Variants in ARRB1 observed in about 807,000 individuals in gnomAD.
ARRB1 encodes beta-arrestin-1.
In ARRB1, 21 loss-of-function variants were observed where a neutral mutation model predicts 56.8. The ratio of observed to expected loss-of-function variants is 0.37; its 90% CI spans 0.26 to 0.53. ARRB1 has a LOEUF of 0.53. Ranked by LOEUF, ARRB1 falls within the 20% of genes least tolerant of loss-of-function variation. The pLI is 0.88. For missense variants in ARRB1, 424 were observed against 553.7 expected, an observed-to-expected ratio of 0.77 and a Z score of 2.35; for synonymous variants, 210 against 218.6, an observed-to-expected ratio of 0.96 and a Z score of 0.35.
intron 1 of ARRB1, among the ~76,000 whole-genome samples, chr11:75,299,520 C>G (rs982885005): frequency 2.0e-5 from 3 of 151,888 alleles, no homozygotes; most frequent in African/African-American, 7.3e-5. Context: ...GTAAGAGTCT[C>G]TGGTTCTGTG....
chr11:75,277,567 A>G, intron 8 of ARRB1, 119 bp from the exon 9 acceptor site: 1 of 860,944 alleles, frequency 1.2e-6, no homozygotes, highest in Non-Finnish European at 1.9e-6. Flanking sequence ...GCAGACCTTC[A>G]GAAGGGTCTG....
chr11:75,344,726 C>T (rs555074305), intron 1 of ARRB1, among the ~76,000 whole-genome samples: 96 of 152,274 alleles, frequency 6.3e-4, no homozygotes, highest in South Asian at 1.2e-3. Flanking sequence ...TATTCTAATC[C>T]CAGGGCTCAT....
In ARRB1 at chr11:75,263,628, T is replaced by C. The variant is rs917068318; in HGVS notation, c.*2535A>G. Among the ~76,000 whole-genome samples, 2 of 152,170 alleles carry C rather than the reference T, an allele frequency of 1.3e-5. No individual in the cohort carries two copies. The highest frequency in any genetic ancestry group is 1.3e-4 in the Admixed American group (2 of 15,288). On this transcript the variant is annotated 3_prime_UTR_variant, in exon 16 of 16. Transcript: ENST00000420843. ...GCTTCCTGAGGACAGGGGCTGGGAC[T>C]GACCCATCTCTGTGGCTCCAGTACT...
chr11:75,306,765 G>C (rs544071077), intron 1 of ARRB1: 2 of 969,488 alleles, frequency 2.1e-6, no homozygotes, highest in South Asian at 3.3e-5. Context: ...CCTGATACGC[G>C]TCCTGTTTCC....
rs779100804 is a variant in ARRB1, at chr11:75,274,082, A to G, written c.906T>C (p.Ser302=). The G allele has an allele frequency of 8.7e-6, 14 of 1,614,082 alleles. No homozygotes were observed. The highest frequency in any genetic ancestry group is 3.3e-5 in the Admixed American group (2 of 60,008). The part of the protein sequence containing the change: ...KLKHEDTNLA[S]STLLREGANR... The stretch of plus-strand genomic sequence containing the variant: ...GGAGGGCAGGTCCTCACAGGGTGCT[A>G]GAGGCCAAGTTCGTGTCTTCGTGCT... Residue 302 remains serine (S), a synonymous_variant, in exon 11 of 16, where the codon TCT becomes TCC. Coordinates refer to ENST00000420843, the MANE Select transcript of ARRB1 (RefSeq NM_004041.5).
chr11:75,325,918 A>T (rs1388493321), intron 1 of ARRB1, among the ~76,000 whole-genome samples: 1 of 152,128 alleles, frequency 6.6e-6, no homozygotes, highest in African/African-American at 2.4e-5. Context: ...CCCAGGCCCA[A>T]CTCGGGCCGG....
intron 1 of ARRB1, among the ~76,000 whole-genome samples, chr11:75,334,686 A>C (rs903688007): frequency 6.6e-5 from 10 of 152,246 alleles, no homozygotes; most frequent in African/African-American, 2.4e-4. Context: ...AAGCCTTTCC[A>C]GTCTCTAATT....
intron 1 of ARRB1, among the ~76,000 whole-genome samples, chr11:75,330,556 C>A (rs553418507): frequency 6.6e-6 from 1 of 152,070 alleles, no homozygotes; most frequent in Non-Finnish European, 1.5e-5. Context: ...TAAACTCTGC[C>A]GAAGAAATAT....
chr11:75,347,067 A>G (rs1947780357), intron 1 of ARRB1, among the ~76,000 whole-genome samples: 1 of 152,168 alleles, frequency 6.6e-6, no homozygotes, highest in African/African-American at 2.4e-5. Context: ...ACTGCCACCA[A>G]CCCAAAGTGT....
intron 1 of ARRB1, among the ~76,000 whole-genome samples, chr11:75,351,367 G>C (rs569801637): frequency 6.6e-6 from 1 of 152,330 alleles, no homozygotes; most frequent in Non-Finnish European, 1.5e-5. Context: ...TCCGGGCCAG[G>C]AGCTGCGGCC....
chr11:75,342,553 C>T lies in ARRB1; in HGVS notation c.20+9035G>A, dbSNP rs142265451. ...TGATCACCGGTGGGTCATCGGAAAC[C>T]ATGGTCCCCTCCTCAGGCCGGGTCA... On this transcript the variant is annotated intron_variant, in intron 1 of 15. Coordinates refer to ENST00000420843, the MANE Select transcript of ARRB1 (RefSeq NM_004041.5). Among the ~76,000 whole-genome samples the T allele has an allele frequency of 4.1e-4, 62 of 152,268 alleles. No individual in the cohort carries two copies. The East Asian group carries it at 0.012, about 29-fold the overall frequency.
chr11:75,297,533 A>G (rs1387965498), intron 1 of ARRB1, among the ~76,000 whole-genome samples: 1 of 152,142 alleles, frequency 6.6e-6, no homozygotes, highest in Non-Finnish European at 1.5e-5. Flanking sequence ...ACAAAAAAAA[A>G]CAAAGTTAGA....
At chr11:75,278,561 G>A in intron 8 of ARRB1, 48 bp downstream of exon 8, 1 of 1,612,152 alleles carries the variant, frequency 6.2e-7, no homozygotes, top group South Asian at 1.1e-5. Context: ...CTGAGGCCCA[G>A]GCCCTGGTGG....
chr11:75,339,999 G>T (rs117718254), intron 1 of ARRB1, among the ~76,000 whole-genome samples: 51 of 152,350 alleles, frequency 3.3e-4, no homozygotes, highest in Non-Finnish European at 5.1e-4. Flanking sequence ...AGCCTCAGGC[G>T]GGAGGCAGAG....
chr11:75,335,504 G>A (rs1485795795), intron 1 of ARRB1, among the ~76,000 whole-genome samples: 2 of 152,064 alleles, frequency 1.3e-5, no homozygotes, highest in African/African-American at 2.4e-5. Context: ...AAGATTGTGT[G>A]AGCCCAGGAA....
At chr11:75,336,065 C>T (rs1161925072) in intron 1 of ARRB1, among the ~76,000 whole-genome samples, 2 of 152,190 alleles carry the variant, frequency 1.3e-5, no homozygotes, top group African/African-American at 2.4e-5. Context: ...GCTCTCCCAT[C>T]TCGCAGCCCG....
intron 15 of ARRB1, among the ~76,000 whole-genome samples, chr11:75,266,582 TG>T (rs141960809): frequency 1.8e-4 from 27 of 151,948 alleles, no homozygotes; most frequent in African/African-American, 6.3e-4. Flanking sequence ...CTTTAGGAGG[TG>T]GGGGGAGCAG....
rs540336942 is a variant in ARRB1 at position 75,301,444 on chromosome 11, G to T, written c.21-11405C>A. Among the ~76,000 whole-genome samples, 13 of 152,324 alleles carry T rather than the reference G, an allele frequency of 8.5e-5. No homozygotes were observed. In the South Asian group the frequency reaches 2.7e-3, roughly 32 times the overall value. On this transcript the variant is annotated intron_variant, in intron 1 of 15. Transcript: ENST00000420843. The stretch of plus-strand genomic sequence containing the variant: ...AGGGCTGTGAAGGGCCTTGAGTGCC[G>T]GGCTAAGGAACTTGGACCTTATCCA...
intron 1 of ARRB1, among the ~76,000 whole-genome samples, chr11:75,297,864 C>CAAAAAAAA (rs34831668): frequency 0.026 from 756 of 29,230 alleles, 94 homozygotes; most frequent in Non-Finnish European, 0.031. Context: ...GACTTTGTCT[C>CAAAAAAAA]AAAAAAAAAA....
Sources: allele counts gnomAD v4.1 joint callset (sites outside exome capture counted in the v4.1 genomes callset), GRCh38; gene constraint gnomAD v4.1.1; transcripts MANE v1.5; gene names NCBI Gene and HGNC (gene_info 2026-07-23, HGNC 2026-07-21).